The following ERBB4 variants were observed in gnomAD, a reference collection of about 807,000 sequenced individuals.
ERBB4 encodes erb-b2 receptor tyrosine kinase 4.
ERBB4 carries 42 observed loss-of-function variants against 158.0 expected under a neutral mutation model. The observed-to-expected ratio is 0.27, with a 90% CI of 0.21 to 0.34. The LOEUF is 0.34. ERBB4 is among the 10% of genes least tolerant of loss of function. The pLI, the probability that ERBB4 is intolerant of heterozygous loss-of-function variation, is 1.00. For missense variants in ERBB4, 1,333 were observed against 1,624.1 expected, an observed-to-expected ratio of 0.82 and a Z score of 3.08; for synonymous variants, 583 against 558.7, an observed-to-expected ratio of 1.04 and a Z score of -0.61.
intron 1 of ERBB4, among the ~76,000 whole-genome samples, chr2:212,177,667 A>G (rs1166828343): frequency 6.6e-6 from 1 of 151,874 alleles, no homozygotes; most frequent in Non-Finnish European, 1.5e-5. Flanking sequence ...CTGTTCATTC[A>G]TTCTTTCATT....
chr2:211,973,971 A>C (rs549492724), intron 2 of ERBB4, among the ~76,000 whole-genome samples: 52 of 152,324 alleles, frequency 3.4e-4, no homozygotes, highest in African/African-American at 1.2e-3. Context: ...TCAGCAAACT[A>C]ACACAAGAAC....
chr2:212,219,181 A>G (rs2083203016), intron 1 of ERBB4, among the ~76,000 whole-genome samples: 1 of 151,490 alleles, frequency 6.6e-6, no homozygotes, highest in African/African-American at 2.4e-5. Flanking sequence ...TGAGACCCAA[A>G]GAAGTTATGA....
At chr2:212,059,397 C>T (rs189101428) in intron 2 of ERBB4, among the ~76,000 whole-genome samples, 438 of 152,236 alleles carry the variant, frequency 2.9e-3, no homozygotes, top group Non-Finnish European at 5.0e-3. Context: ...AATGCCATCC[C>T]CATCAAGCTA....
chr2:211,515,375 TAAGG>T (rs1473781653), intron 20 of ERBB4, among the ~76,000 whole-genome samples: 1 of 152,036 alleles, frequency 6.6e-6, no homozygotes, highest in East Asian at 1.9e-4. Flanking sequence ...TTAAAGGTGA[TAAGG>T]AAGAAATGCT....
rs1440512207 is a variant in ERBB4, at chr2:211,387,809, C to T, written c.3183+136G>A. Reference sequence around the variant, plus strand: ...GATAAAAACACATCTACAAAGGCAGCTACACGATGTACACCAAATTCTTAA... The same window carrying T: ...GATAAAAACACATCTACAAAGGCAGTTACACGATGTACACCAAATTCTTAA... On this transcript the variant is annotated intron_variant, in intron 26 of 27. Coordinates refer to ENST00000342788, the MANE Select transcript of ERBB4 (RefSeq NM_005235.3). The T allele has an allele frequency of 1.3e-5, 10 of 751,188 alleles. No individual in the cohort carries two copies. The East Asian group carries it at 2.5e-4, about 19-fold the overall frequency. The allele number at this position is 751,188 out of a possible 1,614,324, so 46.5% of individuals were successfully genotyped here.
chr2:212,432,921 T>C (rs2092060630), intron 1 of ERBB4, among the ~76,000 whole-genome samples: 1 of 152,050 alleles, frequency 6.6e-6, no homozygotes, highest in South Asian at 2.1e-4. Flanking sequence ...TCTCGAAGTC[T>C]GATGATACAG....
chr2:211,817,811 C>A (rs1232344845), intron 3 of ERBB4, among the ~76,000 whole-genome samples: 1 of 152,132 alleles, frequency 6.6e-6, no homozygotes, highest in Non-Finnish European at 1.5e-5. Context: ...TGATTGAAAA[C>A]CATCTTCAAT....
At chr2:212,138,777 C>T (rs896236687) in intron 1 of ERBB4, among the ~76,000 whole-genome samples, 3 of 152,016 alleles carry the variant, frequency 2.0e-5, no homozygotes, top group African/African-American at 4.8e-5. Flanking sequence ...TGACACAGAC[C>T]GGATACACAC....
chr2:211,559,746 G>A (rs547890213), intron 20 of ERBB4, among the ~76,000 whole-genome samples: 36 of 152,142 alleles, frequency 2.4e-4, no homozygotes, highest in Non-Finnish European at 3.2e-4. Context: ...AACCAGGCTC[G>A]TATCTGCATT....
intron 1 of ERBB4, among the ~76,000 whole-genome samples, chr2:212,286,767 A>ATTTTTTTGT (rs2085995446): frequency 2.5e-5 from 1 of 39,562 alleles, no homozygotes; most frequent in Admixed American, 4.8e-4. Flanking sequence ...ATGAGGGTTA[A>ATTTTTTTGT]TTTTTTTTTT....
At chr2:212,210,213 C>CAAAAAAAAA (rs58137267) in intron 1 of ERBB4, among the ~76,000 whole-genome samples, 1 of 135,646 alleles carries the variant, frequency 7.4e-6, no homozygotes, top group Non-Finnish European at 1.6e-5. Context: ...AATGCTAGTG[C>CAAAAAAAAA]AAAAAAAAAA....
intron 2 of ERBB4, among the ~76,000 whole-genome samples, chr2:212,029,093 T>C (rs1045408435): frequency 2.6e-5 from 4 of 152,162 alleles, no homozygotes; most frequent in African/African-American, 9.6e-5. Flanking sequence ...TGACCCCAAG[T>C]TACTACTCCT....
intron 2 of ERBB4, among the ~76,000 whole-genome samples, chr2:212,104,705 T>C (rs1033934320): frequency 1.4e-4 from 22 of 152,286 alleles, no homozygotes; most frequent in African/African-American, 5.3e-4. Flanking sequence ...AACACTATAA[T>C]GCATTTCTAA....
At chr2:211,674,561 T>C (rs1291447751) in intron 13 of ERBB4, among the ~76,000 whole-genome samples, 1 of 152,134 alleles carries the variant, frequency 6.6e-6, no homozygotes. Flanking sequence ...TAGCAGTTTG[T>C]TATGGATCAA....
chr2:212,199,031 T>G (rs2082515381), intron 1 of ERBB4, among the ~76,000 whole-genome samples: 1 of 152,156 alleles, frequency 6.6e-6, no homozygotes, highest in South Asian at 2.1e-4. Context: ...GAAGTGGAAT[T>G]ACGGTAATTT....
At chr2:212,319,009 A>C (rs940467151) in intron 1 of ERBB4, among the ~76,000 whole-genome samples, 1 of 151,460 alleles carries the variant, frequency 6.6e-6, no homozygotes, top group Non-Finnish European at 1.5e-5. Flanking sequence ...CACACTTTCA[A>C]TCCAAATTCA....
chr2:212,258,080 A>G (rs910678920), intron 1 of ERBB4, among the ~76,000 whole-genome samples: 1 of 152,168 alleles, frequency 6.6e-6, no homozygotes, highest in Non-Finnish European at 1.5e-5. Context: ...CTTGTGTACA[A>G]AACTATTTAT....
At chr2:211,750,776 C>G in intron 4 of ERBB4, 72 bp from the exon 5 acceptor site, 4 of 1,272,544 alleles carry the variant, frequency 3.1e-6, no homozygotes, top group Non-Finnish European at 4.6e-6. Flanking sequence ...AGTAACTCCT[C>G]AAAGGAAATA....
At chr2:211,978,683 T>C (rs1332338542) in intron 2 of ERBB4, among the ~76,000 whole-genome samples, 2 of 152,146 alleles carry the variant, frequency 1.3e-5, no homozygotes, top group Non-Finnish European at 2.9e-5. Flanking sequence ...GCATTCAATT[T>C]TTAGTGTTGA....
Sources: gnomAD v4.1 joint callset for allele counts (sites outside exome capture counted in the v4.1 genomes callset) on GRCh38, gnomAD v4.1.1 for gene constraint, MANE v1.5 for transcripts, NCBI Gene and HGNC (gene_info 2026-07-23, HGNC 2026-07-21) for gene names.